Variants in NDUFA10 observed in about 807,000 individuals in gnomAD.
NDUFA10 encodes NADH:ubiquinone oxidoreductase subunit A10, also known as NADH dehydrogenase [ubiquinone] 1 alpha subcomplex subunit 10, mitochondrial.
NDUFA10 carries 40 observed loss-of-function variants against 47.8 expected under a neutral mutation model. The ratio of observed to expected loss-of-function variants is 0.84; its 90% CI spans 0.65 to 1.09. The LOEUF is 1.09. Among genes scored for constraint, NDUFA10 ranks in the 50% least tolerant of loss-of-function variants. The probability of loss-of-function intolerance (pLI) is 0.00; values close to 1 mark genes in which losing one functional copy is unlikely to be tolerated. For missense variants in NDUFA10, 413 were observed against 451.1 expected, an observed-to-expected ratio of 0.92 and a Z score of 0.76; for synonymous variants, 183 against 172.2, an observed-to-expected ratio of 1.06 and a Z score of -0.49.
intron 4 of NDUFA10, among the ~76,000 whole-genome samples, chr2:239,946,653 G>A (rs1045815037): frequency 1.4e-4 from 21 of 152,210 alleles, no homozygotes; most frequent in African/African-American, 4.8e-4. Context: ...TGAGTTCAAC[G>A]GCTCCTGACG....
At chr2:240,021,607 G>A (rs1697626670) in intron 2 of NDUFA10, among the ~76,000 whole-genome samples, 195 bp from the exon 3 acceptor site, 1 of 152,228 alleles carries the variant, frequency 6.6e-6, no homozygotes, top group Admixed American at 6.5e-5. Context: ...AAGCAAGCAT[G>A]TGAGCGAAAG....
intron 1 of NDUFA10, 41 bp downstream of exon 1, chr2:240,025,186 C>A (rs1472719482): frequency 1.1e-6 from 1 of 925,482 alleles, no homozygotes; most frequent in Admixed American, 4.4e-5. Flanking sequence ...CACCCCGCCA[C>A]CCTGCCACCC....
Position 240,019,818 on chromosome 2 carries a change from CAAAAAAAAAAAAAAAAAAAA to C in NDUFA10, c.461-1199_461-1180del, listed in dbSNP as rs60278142. Among the ~76,000 whole-genome samples, 4 of 12,222 alleles carry C rather than the reference CAAAAAAAAAAAAAAAAAAAA, an allele frequency of 3.3e-4. 2 individuals are homozygous for C. Among genetic ancestry groups the C allele is most frequent in the African/African-American group, 1.4e-3 (4 of 2,942 alleles). 8.0% of individuals were successfully genotyped at this position (12,222 alleles called of 152,430 possible). On this transcript the variant is annotated intron_variant, in intron 3 of 9. Transcript: ENST00000252711. ...TGGGCGACAGAGCGAGACTCCGTCT[CAAAAAAAAAAAAAAAAAAAA>C]AAAAAAAAAAAGAACGTGGAGTAAG...
intron 6 of NDUFA10, among the ~76,000 whole-genome samples, chr2:240,010,778 G>A (rs1697109801): frequency 6.6e-6 from 1 of 151,954 alleles, no homozygotes; most frequent in African/African-American, 2.4e-5. Context: ...ATCTTCTAAG[G>A]CTGTTCATTG....
intron 4 of NDUFA10, among the ~76,000 whole-genome samples, chr2:239,925,565 T>C (rs943661945): frequency 6.6e-6 from 1 of 152,170 alleles, no homozygotes; most frequent in African/African-American, 2.4e-5. Flanking sequence ...AGTGTAAAAC[T>C]ACTAAACTTG....
At chr2:239,964,205 A>C (rs1694970431) in intron 9 of NDUFA10, among the ~76,000 whole-genome samples, 1 of 152,180 alleles carries the variant, frequency 6.6e-6, no homozygotes, top group South Asian at 2.1e-4. Context: ...CCTCTGCAGC[A>C]GGAGACTGGG....
intron 7 of NDUFA10, among the ~76,000 whole-genome samples, chr2:240,006,165 T>A (rs972479306): frequency 6.6e-6 from 1 of 152,182 alleles, no homozygotes; most frequent in African/African-American, 2.4e-5. Flanking sequence ...TCAAATAACA[T>A]AGTATTGGAG....
chr2:239,952,749 C>T (rs1031239827), downstream of NDUFA10, among the ~76,000 whole-genome samples: 1 of 152,234 alleles, frequency 6.6e-6, no homozygotes, highest in Non-Finnish European at 1.5e-5. Context: ...TGGGCCTGGG[C>T]CTGGGCCAGG....
chr2:239,990,597 C>T (rs972981969), intron 8 of NDUFA10, among the ~76,000 whole-genome samples: 1 of 152,194 alleles, frequency 6.6e-6, no homozygotes, highest in African/African-American at 2.4e-5. Flanking sequence ...ATGAGTGGAT[C>T]TTGGGGCAGG....
At chr2:239,968,801 C>T (rs1274116464) in intron 9 of NDUFA10, among the ~76,000 whole-genome samples, 1 of 152,098 alleles carries the variant, frequency 6.6e-6, no homozygotes, top group African/African-American at 2.4e-5. Flanking sequence ...GCAGATGACT[C>T]CCAGAGTTCA....
intron 4 of NDUFA10, among the ~76,000 whole-genome samples, chr2:239,916,764 C>T (rs890004540): frequency 3.3e-5 from 5 of 152,222 alleles, no homozygotes; most frequent in East Asian, 3.8e-4. Flanking sequence ...GCGGAACAGG[C>T]GCTGTGTGAG....
At chr2:239,920,944 C>T (rs889458913) in intron 4 of NDUFA10, among the ~76,000 whole-genome samples, 9 of 152,130 alleles carry the variant, frequency 5.9e-5, no homozygotes, top group African/African-American at 2.2e-4. Flanking sequence ...TCCTGTCTCT[C>T]CTCAGGTATC....
At chr2:239,984,110 A>C (rs1359048458) in intron 9 of NDUFA10, among the ~76,000 whole-genome samples, 1 of 151,998 alleles carries the variant, frequency 6.6e-6, no homozygotes, top group Non-Finnish European at 1.5e-5. Context: ...GCAGGCACCT[A>C]TAATACCAGC....
chr2:239,962,827 GC>G (rs1329032274), intron 9 of NDUFA10, among the ~76,000 whole-genome samples: 1 of 152,128 alleles, frequency 6.6e-6, no homozygotes, highest in Non-Finnish European at 1.5e-5. Flanking sequence ...AGAGCATGAG[GC>G]GGGTAGGGGG....
At chr2:239,943,865 G>A (rs1337101160) in intron 4 of NDUFA10, among the ~76,000 whole-genome samples, 1 of 152,188 alleles carries the variant, frequency 6.6e-6, no homozygotes, top group Non-Finnish European at 1.5e-5. Context: ...GGGATGAGGG[G>A]TCTAGGGTTT....
intron 4 of NDUFA10, among the ~76,000 whole-genome samples, chr2:239,930,721 T>A (rs1244791910): frequency 6.6e-6 from 1 of 151,488 alleles, no homozygotes; most frequent in East Asian, 1.9e-4. Flanking sequence ...TGCAGAAGAG[T>A]TCCTGGCAGG....
At chr2:240,011,490 C>G in intron 6 of NDUFA10, 127 bp downstream of exon 6, 1 of 737,664 alleles carries the variant, frequency 1.4e-6, no homozygotes, top group Non-Finnish European at 2.4e-6. Context: ...TTATAAACAT[C>G]AGATTAAACA....
intron 4 of NDUFA10, among the ~76,000 whole-genome samples, chr2:239,947,326 A>G (rs1410825638): frequency 2.0e-5 from 3 of 152,236 alleles, no homozygotes; most frequent in Admixed American, 2.0e-4. Flanking sequence ...CAACTCCCAG[A>G]GCCCCCAGGG....
intron 8 of NDUFA10, among the ~76,000 whole-genome samples, chr2:239,997,125 G>C (rs1418833933): frequency 6.6e-6 from 1 of 151,802 alleles, no homozygotes; most frequent in Non-Finnish European, 1.5e-5. Context: ...ATCCAAGGAT[G>C]CGGAACCCAG....
Sources: allele counts gnomAD v4.1 joint callset (sites outside exome capture counted in the v4.1 genomes callset), GRCh38; gene constraint gnomAD v4.1.1; transcripts MANE v1.5; gene names NCBI Gene and HGNC (gene_info 2026-07-23, HGNC 2026-07-21).